Variants in LRRC72 observed in about 807,000 individuals in gnomAD.
The protein encoded by LRRC72 is leucine-rich repeat-containing protein 72.
In LRRC72, 41 loss-of-function variants were observed where a neutral mutation model predicts 35.8. That is an observed-to-expected ratio of 1.15 (90% confidence interval 0.89 to 1.49). The LOEUF (loss-of-function observed/expected upper bound fraction) is 1.49. LRRC72 is among the 40% of genes most tolerant of loss of function. The probability of loss-of-function intolerance (pLI) is 0.00; values close to 1 mark genes in which losing one functional copy is unlikely to be tolerated. For missense variants in LRRC72, 389 were observed against 330.7 expected (o/e 1.18, Z -1.37); for synonymous variants, 118 against 119.2 (o/e 0.99, Z 0.07).
chr7:16,554,649 C>G (rs796618066), intron 3 of LRRC72, among the ~76,000 whole-genome samples: 1 of 152,124 alleles, frequency 6.6e-6, no homozygotes, highest in African/African-American at 2.4e-5. Context: ...TAAACAAGAT[C>G]TTTTAATAGC....
At chr7:16,546,422 G>A (rs1441618824) in intron 3 of LRRC72, among the ~76,000 whole-genome samples, 1 of 152,144 alleles carries the variant, frequency 6.6e-6, no homozygotes, top group South Asian at 2.1e-4. Flanking sequence ...TTAATGCCAG[G>A]AGATGCCCCC....
chr7:16,560,322 T>A (rs1782724351), intron 5 of LRRC72, among the ~76,000 whole-genome samples: 1 of 152,240 alleles, frequency 6.6e-6, no homozygotes, highest in African/African-American at 2.4e-5. Context: ...TACTAAGGTT[T>A]CCATATATTG....
rs773108759 is a variant in LRRC72 at position 16,566,396 on chromosome 7, C to T, written c.511C>T (p.Arg171Ter). 3.0e-5 allele frequency: 47 copies of T among 1,541,128 alleles called. No homozygotes were observed. Among genetic ancestry groups the T allele is most frequent in the South Asian group, 1.7e-4 (14 of 82,120 alleles). The change falls in exon 6 of 9, where the codon CGA becomes TGA. Residue 171 changes from arginine (R) to a stop codon, truncating the protein, a stop_gained. Transcript: ENST00000401542. LOFTEE classifies it high-confidence loss of function. Reference sequence around the variant, plus strand: ...CCTTCCAGGAGTGGAGCTGCTTGACCGAAATCGTAAGGACCCTTCCTTCTT... The same window carrying T: ...CCTTCCAGGAGTGGAGCTGCTTGACTGAAATCGTAAGGACCCTTCCTTCTT... ...YHLPGVELLD[R>*]NQVTEKERRS...
At chr7:16,535,788 A>T (rs776078047) in intron 2 of LRRC72, among the ~76,000 whole-genome samples, 44 of 152,250 alleles carry the variant, frequency 2.9e-4, no homozygotes, top group Non-Finnish European at 6.0e-4. Context: ...TTTGATCAAT[A>T]GGAAACAATC....
intron 7 of LRRC72, among the ~76,000 whole-genome samples, chr7:16,571,532 GC>G (rs1263810522): frequency 6.6e-6 from 1 of 152,196 alleles, no homozygotes; most frequent in Non-Finnish European, 1.5e-5. Context: ...AATGGGTGCA[GC>G]CCACGGAGGG....
chr7:16,553,587 C>T (rs1233606918), intron 3 of LRRC72, among the ~76,000 whole-genome samples: 2 of 152,136 alleles, frequency 1.3e-5, no homozygotes, highest in African/African-American at 4.8e-5. Context: ...TTTTGCCTCC[C>T]AGGGGGCATT....
intron 1 of LRRC72, among the ~76,000 whole-genome samples, chr7:16,529,646 A>G (rs561474010): frequency 2.4e-4 from 36 of 150,822 alleles, no homozygotes; most frequent in Non-Finnish European, 4.9e-4. Context: ...GCACTTTGAT[A>G]TTAATATTTT....
intron 1 of LRRC72, among the ~76,000 whole-genome samples, chr7:16,527,952 C>G (rs1237147822): frequency 6.6e-6 from 1 of 152,064 alleles, no homozygotes; most frequent in African/African-American, 2.4e-5. Context: ...CTGCTGTTCT[C>G]CCCATGCTAG....
At chr7:16,544,447 C>G (rs1470169735) in intron 3 of LRRC72, among the ~76,000 whole-genome samples, 1 of 152,054 alleles carries the variant, frequency 6.6e-6, no homozygotes, top group African/African-American at 2.4e-5. Context: ...TCATGTTTTC[C>G]TAACACCCGC....
chr7:16,542,455 C>T (rs189240884), intron 3 of LRRC72, among the ~76,000 whole-genome samples: 7 of 152,250 alleles, frequency 4.6e-5, no homozygotes, highest in Admixed American at 2.6e-4. Context: ...GACATGTGCC[C>T]GTGACAAAGC....
intron 2 of LRRC72, among the ~76,000 whole-genome samples, chr7:16,536,531 TTAGA>T (rs1782261537): frequency 2.0e-5 from 3 of 151,994 alleles, no homozygotes; most frequent in African/African-American, 7.3e-5. Flanking sequence ...AATATATAAA[TTAGA>T]TAGATAGTAT....
intron 7 of LRRC72, among the ~76,000 whole-genome samples, chr7:16,571,621 A>G (rs1782946299): frequency 6.6e-6 from 1 of 152,150 alleles, no homozygotes; most frequent in African/African-American, 2.4e-5. Context: ...ATCCAAGGGA[A>G]GCCATGAGGG....
chr7:16,562,537 C>A (rs1782761098), intron 5 of LRRC72, among the ~76,000 whole-genome samples: 1 of 152,210 alleles, frequency 6.6e-6, no homozygotes, highest in Non-Finnish European at 1.5e-5. Flanking sequence ...CCGGAGCTTC[C>A]AGGAATCAGC....
Position 16,526,854 on chromosome 7 carries a change from A to G in LRRC72, c.-99A>G. The stretch of plus-strand genomic sequence containing the variant: ...AACGGGAATGCGGTAACTGTTGGTA[A>G]CAGAACAACGAGCTGTGCACCAAGC... On this transcript the variant is annotated 5_prime_UTR_variant, in exon 1 of 9. Coordinates refer to ENST00000401542, the MANE Select transcript of LRRC72 (RefSeq NM_001195280.2). The G allele has an allele frequency of 2.1e-6, 2 of 934,816 alleles. No individual in the cohort carries two copies. The highest frequency in any genetic ancestry group is 1.4e-5 in the South Asian group (1 of 70,990). 57.9% of individuals were successfully genotyped at this position (934,816 alleles called of 1,614,324 possible).
At chr7:16,575,171 C>A in intron 7 of LRRC72, among the ~76,000 whole-genome samples, 1 of 152,038 alleles carries the variant, frequency 6.6e-6, no homozygotes, top group East Asian at 1.9e-4. Flanking sequence ...GTGACCCAAC[C>A]ACCTTGGGCA....
At chr7:16,533,528 G>C (rs1416003522) in intron 2 of LRRC72, among the ~76,000 whole-genome samples, 1 of 152,054 alleles carries the variant, frequency 6.6e-6, no homozygotes, top group East Asian at 1.9e-4. Context: ...TTTTTAAATA[G>C]GCTTGACGTA....
intron 4 of LRRC72, 31 bp downstream of exon 4, chr7:16,557,472 A>C: frequency 1.1e-6 from 1 of 892,980 alleles, no homozygotes; most frequent in East Asian, 3.4e-5. Context: ...TGATTTAATA[A>C]ATTTTCAATT....
intron 1 of LRRC72, among the ~76,000 whole-genome samples, chr7:16,528,288 T>C (rs1033470501): frequency 6.6e-6 from 1 of 152,050 alleles, no homozygotes; most frequent in Non-Finnish European, 1.5e-5. Context: ...TGGATCCCAC[T>C]CTCCTCTGGT....
intron 7 of LRRC72, among the ~76,000 whole-genome samples, chr7:16,570,041 G>T (rs1331114338): frequency 7.3e-6 from 1 of 137,060 alleles, no homozygotes; most frequent in South Asian, 2.3e-4. Flanking sequence ...AAAAAGAAAA[G>T]AAAAAAAAAA....
Sources: gnomAD v4.1 joint callset for allele counts (sites outside exome capture counted in the v4.1 genomes callset) on GRCh38, gnomAD v4.1.1 for gene constraint, MANE v1.5 for transcripts, NCBI Gene and HGNC (gene_info 2026-07-23, HGNC 2026-07-21) for gene names.